The following MAN2A2 variants were observed in gnomAD, a reference collection of about 807,000 sequenced individuals.
MAN2A2 encodes the protein alpha-mannosidase 2x.
MAN2A2 carries 79 observed loss-of-function variants against 126.8 expected under a neutral mutation model. The ratio of observed to expected loss-of-function variants is 0.62; its 90% CI spans 0.52 to 0.75. MAN2A2 has a LOEUF of 0.75. Ranked by LOEUF, MAN2A2 falls within the 30% of genes least tolerant of loss-of-function variation. The pLI, the probability that MAN2A2 is intolerant of heterozygous loss-of-function variation, is 0.00. For synonymous variants in MAN2A2, 671 were observed against 618.7 expected (o/e 1.08, Z -1.25); for missense variants, 1,392 against 1,522.4 (o/e 0.91, Z 1.43).
rs763612134 is a variant in MAN2A2 at position 90,909,459 on chromosome 15, A to G, written c.1329A>G (p.Gln443=). ...QEWDAQFFNY[Q]RLFDFFNSRP... is the part of the protein sequence containing the mutation. ...GGGATGCCCAGTTCTTCAACTACCA[A>G]CGGCTCTTTGACTTCTTCAACAGCA... Residue 443 remains glutamine, a synonymous_variant, in exon 9 of 23, where the codon CAA becomes CAG. Transcript: ENST00000559717. 1.2e-6 allele frequency: 2 copies of G among 1,613,866 alleles called. No homozygotes were observed. The highest frequency in any genetic ancestry group is 1.3e-5 in the African/African-American group (1 of 74,888).
At position 90,907,281 on chromosome 15, in the gene MAN2A2, T is replaced by TG. The variant is rs778771294; in HGVS notation, c.1010-26dup. ...CTGGCGTCCAGAGGCTGCCTGCTGGTGGTGACCACGTGGTGTGTCTCCTGC... is the reference window on the plus strand; with the variant it reads ...CTGGCGTCCAGAGGCTGCCTGCTGGTGGGTGACCACGTGGTGTGTCTCCTGC... On this transcript the variant is annotated intron_variant, in intron 7 of 22. Coordinates refer to ENST00000559717, the MANE Select transcript of MAN2A2 (RefSeq NM_006122.4). 8.7e-6 allele frequency: 14 copies of TG among 1,604,554 alleles called. No individual in the cohort carries two copies. The South Asian group carries it at 1.5e-4, about 18-fold the overall frequency.
chr15:90,919,296 G>A (rs554622740), intron 22 of MAN2A2, among the ~76,000 whole-genome samples: 2 of 152,378 alleles, frequency 1.3e-5, no homozygotes, highest in South Asian at 4.1e-4. Context: ...CTGGAGTGCA[G>A]TGGCGTGATC....
intron 9 of MAN2A2, 147 bp downstream of exon 9, chr15:90,909,651 T>G (rs2034570397): frequency 1.3e-6 from 1 of 764,268 alleles, no homozygotes; most frequent in Middle Eastern, 4.1e-4. Context: ...TTGCCCAGGC[T>G]GGAGTTCAGT....
At position 90,919,706 on chromosome 15, in the gene MAN2A2, C is replaced by T; in HGVS notation, c.3372C>T (p.Tyr1124=). 6.2e-7 allele frequency: 1 copy of T among 1,614,246 alleles called. No individual in the cohort carries two copies. Among genetic ancestry groups the T allele is most frequent in the Non-Finnish European group, 8.5e-7 (1 of 1,180,046 alleles). ...FLQPTSLTLL[Y]PLASPSNSTD... ...AGCCAACCTCCTTGACGTTACTGTACCCTCTGGCCTCCCCGTCCAACAGCA... is the reference window on the plus strand; with the variant it reads ...AGCCAACCTCCTTGACGTTACTGTATCCTCTGGCCTCCCCGTCCAACAGCA... The change falls in exon 23 of 23, where the codon TAC becomes TAT. Residue 1124 remains tyrosine (Y), a synonymous_variant. Coordinates refer to ENST00000559717, the MANE Select transcript of MAN2A2 (RefSeq NM_006122.4).
intron 22 of MAN2A2, 25 bp from the exon 23 acceptor site, chr15:90,919,610 C>T (rs766657244): frequency 1.2e-6 from 2 of 1,612,716 alleles, no homozygotes; most frequent in Non-Finnish European, 1.7e-6. Flanking sequence ...CTAGCACAAC[C>T]CTGCCCCTTC....
In MAN2A2 at chr15:90,921,850, C is replaced by T. The variant is rs546711749; in HGVS notation, c.*2063C>T. On this transcript the variant is annotated 3_prime_UTR_variant, in exon 23 of 23. Transcript: ENST00000559717. Reference sequence around the variant, plus strand: ...AGGAGAATCACATCAACCTGGGAGGCGGAGGTTGCAGTGAGCTTAGATCAT... The same window carrying T: ...AGGAGAATCACATCAACCTGGGAGGTGGAGGTTGCAGTGAGCTTAGATCAT... 2.6e-5 allele frequency: 4 copies of T among 151,948 alleles called. No individual in the cohort carries two copies. Among genetic ancestry groups the T allele is most frequent in the Admixed American group, 6.6e-5 (1 of 15,250 alleles). 9.4% of individuals were successfully genotyped at this position (151,948 alleles called of 1,614,324 possible). A position where few individuals can be genotyped will look rare whatever the true frequency, so the allele number is the denominator to read the frequency against.
chr15:90,911,495 T>C lies in MAN2A2; in HGVS notation c.2054T>C (p.Val685Ala), dbSNP rs1459602326. ...TCGGAGGAGGGTCAGCCCCTGGCCGTGCAGATCAGCGCACACTGGAGCTCT... is the reference window on the plus strand; with the variant it reads ...TCGGAGGAGGGTCAGCCCCTGGCCGCGCAGATCAGCGCACACTGGAGCTCT... ...VLSEEGQPLA[V>A]QISAHWSSAT... The change falls in exon 14 of 23, where the codon GTG becomes GCG. Residue 685 changes from valine (V) to alanine (A), a missense_variant. Val to Ala is a moderately conservative substitution (Grantham distance 64). Transcript: ENST00000559717. The C allele has an allele frequency of 1.2e-6, 2 of 1,614,124 alleles. No homozygotes were observed. Among genetic ancestry groups the C allele is most frequent in the South Asian group, 2.2e-5 (2 of 91,088 alleles).
chr15:90,909,638 CTG>C, intron 9 of MAN2A2, 134 bp downstream of exon 9: 1 of 831,382 alleles, frequency 1.2e-6, no homozygotes, highest in Non-Finnish European at 1.8e-6. Flanking sequence ...GAGTCTCACT[CTG>C]TTGCCCAGGC....
Position 90,911,425 on chromosome 15 carries a change from A to G in MAN2A2, c.1984A>G (p.Ser662Gly), listed in dbSNP as rs1325225069. The change falls in exon 14 of 23, where the codon AGC becomes GGC. Residue 662 changes from serine (S) to glycine (G), a missense_variant. Transcript: ENST00000559717. The part of the protein sequence containing the change: ...LFNPLEQERF[S>G]MVSLLVNSPR... ...CAACCCACTGGAACAGGAGCGATTC[A>G]GCATGGTGTCCCTGCTGGTCAACTC... The G allele has an allele frequency of 1.2e-6, 2 of 1,614,244 alleles. No individual in the cohort carries two copies. Among genetic ancestry groups the G allele is most frequent in the South Asian group, 1.1e-5 (1 of 91,088 alleles).
Position 90,906,918 on chromosome 15 carries a change from G to A in MAN2A2, c.1009+5G>A. The A allele has an allele frequency of 6.2e-7, 1 of 1,613,646 alleles. No individual in the cohort carries two copies. Among genetic ancestry groups the A allele is most frequent in the Non-Finnish European group, 8.5e-7 (1 of 1,179,966 alleles). On this transcript the variant is annotated splice_donor_5th_base_variant and intron_variant, in intron 7 of 22. Transcript: ENST00000559717. ...TCATGTGGAGGCAGACATGGGGTAA[G>A]GCCGGGTAGGGTAGAGGGGGTTACT...
intron 6 of MAN2A2, 111 bp from the exon 7 acceptor site, chr15:90,906,629 C>T (rs982356596): frequency 6.9e-5 from 108 of 1,558,534 alleles, no homozygotes; most frequent in Middle Eastern, 3.6e-4. Flanking sequence ...GGTGTGATAT[C>T]ATCTCTCCAC....
In MAN2A2 at chr15:90,905,298, T is replaced by A; in HGVS notation, c.180T>A (p.Leu60=). Residue 60 remains leucine (L), a synonymous_variant, in exon 3 of 23, where the codon CTT becomes CTA. Transcript: ENST00000559717. ...LQNRIEQLEQ[L]LEENHEIISH... is the part of the protein sequence containing the mutation. Reference sequence around the variant, plus strand: ...ACCGCATTGAGCAGCTGGAGCAGCTTTTGGAGGAGAACCATGAGATTATCA... The same window carrying A: ...ACCGCATTGAGCAGCTGGAGCAGCTATTGGAGGAGAACCATGAGATTATCA... The A allele has an allele frequency of 6.2e-7, 1 of 1,613,742 alleles. No individual in the cohort carries two copies. Among genetic ancestry groups the A allele is most frequent in the South Asian group, 1.1e-5 (1 of 91,078 alleles).
In MAN2A2 at chr15:90,910,516, G is replaced by C. The variant is rs762794117; in HGVS notation, c.1593G>C (p.Leu531=). 2.9e-5 allele frequency: 46 copies of C among 1,613,854 alleles called. No homozygotes were observed. Among genetic ancestry groups the C allele is most frequent in the Middle Eastern group, 3.3e-4 (2 of 6,084 alleles). The change falls in exon 11 of 23, where the codon CTG becomes CTC. Residue 531 remains leucine (L), a synonymous_variant. Coordinates refer to ENST00000559717, the MANE Select transcript of MAN2A2 (RefSeq NM_006122.4). ...CTCTGGGCAGGGGGGCAGAGGTTCTGTACAGCCTGGCTGCAGCTCACGCTC... is the reference window on the plus strand; with the variant it reads ...CTCTGGGCAGGGGGGCAGAGGTTCTCTACAGCCTGGCTGCAGCTCACGCTC... The part of the protein sequence containing the change: ...LEAHLRGAEV[L]YSLAAAHARR...
intron 8 of MAN2A2, 73 bp from the exon 9 acceptor site, chr15:90,909,254 C>A: frequency 1.4e-6 from 2 of 1,456,318 alleles, no homozygotes; most frequent in Non-Finnish European, 1.9e-6. Flanking sequence ...GGCTTGCTGG[C>A]GGGATGGCTG....
Position 90,919,764 on chromosome 15 carries a change from A to G in MAN2A2, c.3430A>G (p.Thr1144Ala). The change falls in exon 23 of 23, where the codon ACC becomes GCC. Residue 1144 changes from threonine (T) to alanine (A), a missense_variant. Transcript: ENST00000559717. ...CTATTTGGAGCCCATGGAGATTGCT[A>G]CCTTTCGCCTCCGCTTGGGTTAGGG... ...DVYLEPMEIATFRLRLG is the reference protein window; with the variant it reads ...DVYLEPMEIAAFRLRLG The G allele has an allele frequency of 2.5e-6, 4 of 1,614,120 alleles. No individual in the cohort carries two copies. Among genetic ancestry groups the G allele is most frequent in the Non-Finnish European group, 3.4e-6 (4 of 1,180,018 alleles).
At chr15:90,916,778 C>A in intron 20 of MAN2A2, 1 of 746,182 alleles carries the variant, frequency 1.3e-6, no homozygotes. Flanking sequence ...TGAGCACCTG[C>A]TTTACTGTGA....
At chr15:90,914,035 G>GA (rs956288407) in intron 19 of MAN2A2, among the ~76,000 whole-genome samples, 13 of 152,026 alleles carry the variant, frequency 8.6e-5, no homozygotes, top group East Asian at 7.7e-4. Context: ...CCAAAGAAAG[G>GA]AAAAAAAATG....
rs1009830827 is a variant in MAN2A2, at chr15:90,913,768, C to T, written c.2860+13C>T. 1 of 1,581,124 alleles carries T rather than the reference C, an allele frequency of 6.3e-7. No homozygotes were observed. Among genetic ancestry groups the T allele is most frequent in the Non-Finnish European group, 8.6e-7 (1 of 1,162,360 alleles). On this transcript the variant is annotated intron_variant, in intron 19 of 22. Transcript: ENST00000559717. Reference sequence around the variant, plus strand: ...AGCCTCAAAGATGGTGAGTAGGGCCCAGGAGTTCTGCAGAGGGTATCAGAC... The same window carrying T: ...AGCCTCAAAGATGGTGAGTAGGGCCTAGGAGTTCTGCAGAGGGTATCAGAC...
chr15:90,910,395 C>T (rs2034630865), intron 10 of MAN2A2, 103 bp downstream of exon 10: 2 of 1,569,508 alleles, frequency 1.3e-6, no homozygotes, highest in South Asian at 1.1e-5. Flanking sequence ...GCCCAGAGGC[C>T]AGGGCAGGTA....
Sources: gnomAD v4.1 joint callset for allele counts (sites outside exome capture counted in the v4.1 genomes callset) on GRCh38, gnomAD v4.1.1 for gene constraint, MANE v1.5 for transcripts, NCBI Gene and HGNC (gene_info 2026-07-23, HGNC 2026-07-21) for gene names.